The following PARD6B variants were observed in gnomAD, a reference collection of about 807,000 sequenced individuals.
The protein encoded by PARD6B is par-6 family cell polarity regulator beta.
In PARD6B, 4 loss-of-function variants were observed where a neutral mutation model predicts 10.5. That is an observed-to-expected ratio of 0.38 (90% CI 0.19 to 0.87). PARD6B has a LOEUF of 0.87. Among genes scored for constraint, PARD6B ranks in the 40% least tolerant of loss-of-function variants. The pLI, the probability that PARD6B is intolerant of heterozygous loss-of-function variation, is 0.41. For synonymous variants in PARD6B, 169 were observed against 170.4 expected (o/e 0.99, Z 0.07); for missense variants, 396 against 470.6 (o/e 0.84, Z 1.47).
chr20:50,743,861 C>G (rs899343248), intron 2 of PARD6B, among the ~76,000 whole-genome samples: 2 of 149,924 alleles, frequency 1.3e-5, no homozygotes, highest in African/African-American at 4.9e-5. Context: ...TGCACTCCAG[C>G]CTGGGCGACA....
Position 50,751,073 on chromosome 20 carries a change from A to G in PARD6B, c.*585A>G, listed in dbSNP as rs1169179148. 1.8e-5 allele frequency: 9 copies of G among 493,650 alleles called. No individual in the cohort carries two copies. The highest frequency in any genetic ancestry group is 2.3e-5 in the Non-Finnish European group (9 of 386,584). 30.6% of individuals were successfully genotyped at this position (493,650 alleles called of 1,614,324 possible). On this transcript the variant is annotated 3_prime_UTR_variant, in exon 3 of 3. Coordinates refer to ENST00000371610, the MANE Select transcript of PARD6B (RefSeq NM_032521.3). Reference sequence around the variant, plus strand: ...CAGCCTCAATCCCCTGGGCTCAAGCAGTCCTCCCACCTCAGCCTCCTGAGT... The same window carrying G: ...CAGCCTCAATCCCCTGGGCTCAAGCGGTCCTCCCACCTCAGCCTCCTGAGT...
intron 2 of PARD6B, among the ~76,000 whole-genome samples, chr20:50,749,239 A>T (rs994772998): frequency 6.6e-6 from 1 of 151,988 alleles, no homozygotes; most frequent in Non-Finnish European, 1.5e-5. Flanking sequence ...GCTACTCGGG[A>T]GGGTGAGGCA....
Position 50,750,898 on chromosome 20 carries a change from T to C in PARD6B, c.*410T>C, listed in dbSNP as rs80287642. ...TAATGTGAAGTCTGATTCTCTCTTGTGGTACATTGGGGACCTCAGCTCTTA... is the reference window on the plus strand; with the variant it reads ...TAATGTGAAGTCTGATTCTCTCTTGCGGTACATTGGGGACCTCAGCTCTTA... On this transcript the variant is annotated 3_prime_UTR_variant, in exon 3 of 3. Transcript: ENST00000371610. 1 of 986,150 alleles carries C rather than the reference T, an allele frequency of 1.0e-6. No individual in the cohort carries two copies. Among genetic ancestry groups the C allele is most frequent in the African/African-American group, 1.8e-5 (1 of 57,032 alleles). 61.1% of individuals were successfully genotyped at this position (986,150 alleles called of 1,614,324 possible).
At position 50,750,270 on chromosome 20, in the gene PARD6B, A is replaced by C. The variant is rs1369747014; in HGVS notation, c.901A>C (p.Asn301His). 6.2e-7 allele frequency: 1 copy of C among 1,614,112 alleles called. No homozygotes were observed. Among genetic ancestry groups the C allele is most frequent in the Non-Finnish European group, 8.5e-7 (1 of 1,180,060 alleles). The change falls in exon 3 of 3, where the codon AAT becomes CAT. Residue 301 changes from asparagine (N) to histidine (H), a missense_variant. By Grantham distance (68) the Asn-to-His change is moderately conservative. Around this residue, in one of 2 missense-constraint regions of PARD6B, gnomAD observed 188 missense variants for 169.7 expected, o/e 1.11. Transcript: ENST00000371610. ...SEEDDIIIED[N>H]GVPQQIPKAV... ...AGAAGATGACATTATCATTGAAGAC[A>C]ATGGAGTGCCACAGCAGATTCCAAA... is the stretch of plus-strand genomic sequence containing the variant.
chr20:50,737,018 A>G (rs2087503121), intron 1 of PARD6B, among the ~76,000 whole-genome samples: 1 of 152,166 alleles, frequency 6.6e-6, no homozygotes, highest in East Asian at 1.9e-4. Flanking sequence ...GTGTTGAATA[A>G]GAGTCACTTT....
At chr20:50,749,058 A>G (rs1221657361) in intron 2 of PARD6B, among the ~76,000 whole-genome samples, 2 of 152,170 alleles carry the variant, frequency 1.3e-5, no homozygotes, top group Admixed American at 1.3e-4. Flanking sequence ...AATATGTAAG[A>G]TCTGGCCAGG....
Position 50,737,951 on chromosome 20 carries a change from C to A in PARD6B, c.161C>A (p.Pro54His). The A allele has an allele frequency of 1.2e-6, 2 of 1,613,302 alleles. No individual in the cohort carries two copies. Among genetic ancestry groups the A allele is most frequent in the East Asian group, 4.5e-5 (2 of 44,832 alleles). Residue 54 changes from proline to histidine, a missense_variant, in exon 2 of 3, where the codon CCC becomes CAC. Pro to His is a moderately conservative substitution (Grantham distance 77). This residue lies in a region of PARD6B where 208 missense variants were observed against 300.9 expected (regional missense o/e 0.69). Coordinates refer to ENST00000371610, the MANE Select transcript of PARD6B (RefSeq NM_032521.3). ...YGLLQHVHKI[P>H]NVDVLVGYAD... ...TTACTACAACATGTTCATAAGATCC[C>A]CAATGTTGACGTTTTGGTAGGCTAT...
At chr20:50,742,286 C>T (rs763583505) in intron 2 of PARD6B, among the ~76,000 whole-genome samples, 1 of 152,152 alleles carries the variant, frequency 6.6e-6, no homozygotes, top group Non-Finnish European at 1.5e-5. Flanking sequence ...TCAAGTGATC[C>T]GCCCACCTCG....
chr20:50,750,351 G>C lies in PARD6B; in HGVS notation c.982G>C (p.Glu328Gln), dbSNP rs766125695. The C allele has an allele frequency of 1.9e-6, 3 of 1,614,226 alleles. No individual in the cohort carries two copies. The highest frequency in any genetic ancestry group is 3.3e-4 in the Middle Eastern group (2 of 6,062). Residue 328 changes from glutamate to glutamine, a missense_variant, in exon 3 of 3, where the codon GAG (glutamate) becomes CAG (glutamine). Coordinates refer to ENST00000371610, the MANE Select transcript of PARD6B (RefSeq NM_032521.3). Reference protein sequence around the residue: ...ESLTQIELSFESGQNGFIPSN... With the variant: ...ESLTQIELSFQSGQNGFIPSN... ...ATTAACACAGATAGAGCTAAGCTTT[G>C]AGTCTGGACAGAATGGCTTTATTCC...
chr20:50,751,077 C>T lies in PARD6B; in HGVS notation c.*589C>T, dbSNP rs1056454121. On this transcript the variant is annotated 3_prime_UTR_variant, in exon 3 of 3. Transcript: ENST00000371610. The stretch of plus-strand genomic sequence containing the variant: ...CTCAATCCCCTGGGCTCAAGCAGTC[C>T]TCCCACCTCAGCCTCCTGAGTAGCT... 2 of 493,870 alleles carry T rather than the reference C, an allele frequency of 4.0e-6. No individual in the cohort carries two copies. The highest frequency in any genetic ancestry group is 1.3e-4 in the Admixed American group (2 of 14,928). The allele number at this position is 493,870 out of a possible 1,614,324, so 30.6% of individuals were successfully genotyped here.
rs2087588875 is a variant in PARD6B, at chr20:50,749,712, G to A, written c.343G>A (p.Val115Ile). 3 of 1,613,018 alleles carry A rather than the reference G, an allele frequency of 1.9e-6. No individual in the cohort carries two copies. The highest frequency in any genetic ancestry group is 2.5e-6 in the Non-Finnish European group (3 of 1,179,758). The change falls in exon 3 of 3, where the codon GTT becomes ATT. Residue 115 changes from valine to isoleucine, a missense_variant. Coordinates refer to ENST00000371610, the MANE Select transcript of PARD6B (RefSeq NM_032521.3). The stretch of plus-strand genomic sequence containing the variant: ...AGACACGCTAATAAAGAAGAAGAAT[G>A]TTTTAACCAACGTATTGCGTCCTGA... ...GTDTLIKKKNVLTNVLRPDNH... is the reference protein window; with the variant it reads ...GTDTLIKKKNILTNVLRPDNH...
chr20:50,746,691 T>G (rs904922910), intron 2 of PARD6B, among the ~76,000 whole-genome samples: 8 of 152,232 alleles, frequency 5.3e-5, no homozygotes, highest in Non-Finnish European at 1.0e-4. Flanking sequence ...TTTGAGAATT[T>G]AGCAGAGAGC....
At position 50,750,898 on chromosome 20, in the gene PARD6B, T is replaced by G. The variant is rs80287642; in HGVS notation, c.*410T>G. On this transcript the variant is annotated 3_prime_UTR_variant, in exon 3 of 3. Coordinates refer to ENST00000371610, the MANE Select transcript of PARD6B (RefSeq NM_032521.3). ...TAATGTGAAGTCTGATTCTCTCTTGTGGTACATTGGGGACCTCAGCTCTTA... is the reference window on the plus strand; with the variant it reads ...TAATGTGAAGTCTGATTCTCTCTTGGGGTACATTGGGGACCTCAGCTCTTA... 0.062 allele frequency: 61,406 copies of G among 986,264 alleles called. 2,098 individuals carry two copies. Among genetic ancestry groups the G allele is most frequent in the Non-Finnish European group, 0.067 (55,551 of 829,310 alleles). 61.1% of individuals were successfully genotyped at this position (986,264 alleles called of 1,614,324 possible).
chr20:50,737,644 A>G (rs2087506649), intron 1 of PARD6B, among the ~76,000 whole-genome samples: 1 of 152,138 alleles, frequency 6.6e-6, no homozygotes. Context: ...CTTGAAAGGA[A>G]TGCTCTTCAG....
intron 1 of PARD6B, among the ~76,000 whole-genome samples, chr20:50,736,936 G>T (rs1279198217): frequency 6.6e-6 from 1 of 152,158 alleles, no homozygotes; most frequent in Non-Finnish European, 1.5e-5. Flanking sequence ...CTGACCTTGT[G>T]ATCCTCCCGC....
In PARD6B at chr20:50,749,660, A is replaced by G; in HGVS notation, c.291A>G (p.Glu97=). The G allele has an allele frequency of 6.4e-7, 1 of 1,565,420 alleles. No individual in the cohort carries two copies. Among genetic ancestry groups the G allele is most frequent in the Non-Finnish European group, 8.6e-7 (1 of 1,161,820 alleles). The part of the protein sequence containing the change: ...PLLRIFIQKK[E]EADYSAFGTD... ...TTATTTTGTTTTATTTTTAAACAGA[A>G]GAAGCAGACTACAGTGCCTTTGGTA... is the stretch of plus-strand genomic sequence containing the variant. Residue 97 remains glutamate (E), a splice_region_variant and synonymous_variant, in exon 3 of 3, where the codon GAA becomes GAG. Coordinates refer to ENST00000371610, the MANE Select transcript of PARD6B (RefSeq NM_032521.3).
Position 50,752,679 on chromosome 20 carries a change from G to T in PARD6B, c.*2191G>T. On this transcript the variant is annotated 3_prime_UTR_variant, in exon 3 of 3. Transcript: ENST00000371610. ...ATGAATACCTTTTTAACAATTGTGT[G>T]CTATTACAACAATGAAGATTCAAAT... 2 of 977,192 alleles carry T rather than the reference G, an allele frequency of 2.0e-6. No individual in the cohort carries two copies. The highest frequency in any genetic ancestry group is 6.1e-5 in the Admixed American group (1 of 16,262). The allele number at this position is 977,192 out of a possible 1,614,324, so 60.5% of individuals were successfully genotyped here. A position where few individuals can be genotyped will look rare whatever the true frequency, so the allele number is the denominator to read the frequency against.
Position 50,739,525 on chromosome 20 carries a change from G to A in PARD6B, c.289+1446G>A, listed in dbSNP as rs2087519124. Among the ~76,000 whole-genome samples the A allele has an allele frequency of 2.6e-5, 4 of 152,126 alleles. No homozygotes were observed. The South Asian group carries it at 8.3e-4, about 32-fold the overall frequency. ...AAAACTATTTCTAATCAGTTGATAA[G>A]CATTAGACCACTCCCAGGGCTCTGG... On this transcript the variant is annotated intron_variant, in intron 2 of 2. Transcript: ENST00000371610.
chr20:50,735,192 TATTATC>T (rs2087493512), intron 1 of PARD6B, among the ~76,000 whole-genome samples: 1 of 152,166 alleles, frequency 6.6e-6, no homozygotes, highest in East Asian at 1.9e-4. Context: ...GTGTCAACAT[TATTATC>T]TTCACACGTG....
Sources: allele counts gnomAD v4.1 joint callset (sites outside exome capture counted in the v4.1 genomes callset), GRCh38; gene constraint gnomAD v4.1.1; regional missense constraint gnomAD v4.1.1; transcripts MANE v1.5; gene names NCBI Gene and HGNC (gene_info 2026-07-23, HGNC 2026-07-21).